The following BICDL2 variants were observed in gnomAD, a reference collection of about 807,000 sequenced individuals.
The protein encoded by BICDL2 is BICD family-like cargo adapter 2.
BICDL2 carries 62 observed loss-of-function variants against 56.6 expected under a neutral mutation model. The observed-to-expected ratio is 1.10, with a 90% confidence interval of 0.89 to 1.35. The LOEUF is 1.35. Among genes scored for constraint, BICDL2 ranks in the 40% most tolerant of loss-of-function variants. The pLI is 0.00. For synonymous variants in BICDL2, 358 were observed against 319.8 expected, an observed-to-expected ratio of 1.12 and a Z score of -1.27; for missense variants, 808 against 684.5, an observed-to-expected ratio of 1.18 and a Z score of -2.01.
intron 2 of BICDL2, among the ~76,000 whole-genome samples, chr16:3,034,709 TCC>T (rs1202627109): frequency 2.2e-4 from 32 of 147,726 alleles, no homozygotes; most frequent in African/African-American, 7.6e-4. Flanking sequence ...CTTCCTTCCT[TCC>T]TTTTTTTTTT....
Position 3,034,697 on chromosome 16 carries a change from T to TCCTTCCTTCC in BICDL2, c.282+508_282+517dup, listed in dbSNP as rs1567423988. 2.7e-3 allele frequency among the ~76,000 whole-genome samples: 383 copies of TCCTTCCTTCC among 140,942 alleles called. 3 individuals are homozygous for TCCTTCCTTCC. Among genetic ancestry groups the TCCTTCCTTCC allele is most frequent in the African/African-American group, 9.4e-3 (351 of 37,228 alleles). 92.5% of individuals were successfully genotyped at this position (140,942 alleles called of 152,430 possible). A position where few individuals can be genotyped will look rare whatever the true frequency, so the allele number is the denominator to read the frequency against. ...CCTTCCTTCCTTCCTTCCTTCCCCT[T>TCCTTCCTTCC]CCTTCCTTCCTTCCTTTTTTTTTTT... On this transcript the variant is annotated intron_variant, in intron 2 of 9. Transcript: ENST00000572449.
Position 3,028,734 on chromosome 16 carries a change from T to C in BICDL2, c.1204A>G (p.Ser402Gly). 1 of 1,566,688 alleles carries C rather than the reference T, an allele frequency of 6.4e-7. No individual in the cohort carries two copies. Among genetic ancestry groups the C allele is most frequent in the Non-Finnish European group, 8.7e-7 (1 of 1,155,890 alleles). The part of the protein sequence containing the change: ...AQEDPGEALH[S>G]ALSDRDEAVN... The stretch of plus-strand genomic sequence containing the variant: ...GCCTCGTCCCGGTCTGAGAGGGCAC[T>C]GTGCAGGGCCTCCCCAGGGTCTTCC... Residue 402 changes from serine (S) to glycine (G), a missense_variant, in exon 8 of 10, where the codon AGT (serine) becomes GGT (glycine). By Grantham distance (56) the Ser-to-Gly change is moderately conservative. Transcript: ENST00000572449.
intron 2 of BICDL2, among the ~76,000 whole-genome samples, chr16:3,034,711 CT>C (rs759451684): frequency 1.1e-3 from 139 of 126,962 alleles, no homozygotes; most frequent in Admixed American, 2.0e-3. Context: ...TCCTTCCTTC[CT>C]TTTTTTTTTT....
intron 2 of BICDL2, chr16:3,032,031 AAG>A (rs1955664280): frequency 1.3e-5 from 2 of 152,286 alleles, no homozygotes; most frequent in Admixed American, 1.3e-4. Flanking sequence ...TCCCAAGTTC[AAG>A]AGATTCTCCT....
intron 9 of BICDL2, 32 bp from the exon 10 acceptor site, chr16:3,028,305 T>C (rs1567419164): frequency 2.6e-6 from 4 of 1,532,946 alleles, no homozygotes; most frequent in Admixed American, 2.0e-5. Flanking sequence ...TCAGCGCCGG[T>C]CCCGCCCCTT....
chr16:3,034,039 G>A (rs1462621081), intron 2 of BICDL2, among the ~76,000 whole-genome samples: 1 of 152,168 alleles, frequency 6.6e-6, no homozygotes, highest in Non-Finnish European at 1.5e-5. Context: ...CCAGATGTGA[G>A]CCCCAGAGCA....
At chr16:3,030,034 G>A in intron 5 of BICDL2, 1 of 497,108 alleles carries the variant, frequency 2.0e-6, no homozygotes, top group South Asian at 3.1e-5. Flanking sequence ...TGCTACTGAG[G>A]CTGCTTGTCC....
At position 3,028,708 on chromosome 16, in the gene BICDL2, G is replaced by T; in HGVS notation, c.1230C>A (p.Ala410=). The change falls in exon 8 of 10, where the codon GCC becomes GCA. Residue 410 remains alanine, a synonymous_variant. Transcript: ENST00000572449. ...LHSALSDRDE[A]VNKALELSLQ... Reference sequence around the variant, plus strand: ...AATGGCTTGAGGCTTACTTGTTCACGGCCTCGTCCCGGTCTGAGAGGGCAC... The same window carrying T: ...AATGGCTTGAGGCTTACTTGTTCACTGCCTCGTCCCGGTCTGAGAGGGCAC... The T allele has an allele frequency of 6.4e-7, 1 of 1,569,410 alleles. No homozygotes were observed. Among genetic ancestry groups the T allele is most frequent in the Non-Finnish European group, 8.6e-7 (1 of 1,157,334 alleles).
chr16:3,036,186 C>A, intron 1 of BICDL2: 2 of 431,000 alleles, frequency 4.6e-6, no homozygotes, highest in South Asian at 1.6e-5. Flanking sequence ...GCATTCATGC[C>A]CCCACCCCTC....
intron 5 of BICDL2, chr16:3,030,029 C>A: frequency 2.0e-6 from 1 of 501,854 alleles, no homozygotes; most frequent in Non-Finnish European, 3.5e-6. Flanking sequence ...ATTGGTGCTA[C>A]TGAGGCTGCT....
Position 3,029,553 on chromosome 16 carries a change from C to T in BICDL2, c.949G>A (p.Asp317Asn). Residue 317 changes from aspartate (D) to asparagine (N), a missense_variant, in exon 6 of 10, where the codon GAC becomes AAC. Coordinates refer to ENST00000572449, the MANE Select transcript of BICDL2 (RefSeq NM_001369667.1). Reference protein sequence around the residue: ...DQGQGADAPGDTPTTRSPKTR... With the variant: ...DQGQGADAPGNTPTTRSPKTR... Reference sequence around the variant, plus strand: ...GGGCCCCACGAGCTCACCGGGGTGTCTCCGGGTGCGTCGGCGCCCTGGCCC... The same window carrying T: ...GGGCCCCACGAGCTCACCGGGGTGTTTCCGGGTGCGTCGGCGCCCTGGCCC... 1 of 1,550,878 alleles carries T rather than the reference C, an allele frequency of 6.4e-7. No individual in the cohort carries two copies. The highest frequency in any genetic ancestry group is 8.7e-7 in the Non-Finnish European group (1 of 1,152,984).
At chr16:3,036,612 C>T (rs934520118) in intron 1 of BICDL2, 3 of 450,702 alleles carry the variant, frequency 6.7e-6, no homozygotes, top group African/African-American at 4.0e-5. Context: ...CCCCGCTCCC[C>T]CGCCCCCCTC....
At position 3,029,297 on chromosome 16, in the gene BICDL2, C is replaced by T. The variant is rs1955613240; in HGVS notation, c.1090G>A (p.Ala364Thr). The change falls in exon 7 of 10, where the codon GCC (alanine) becomes ACC (threonine). Residue 364 changes from alanine (A) to threonine (T), a missense_variant. Physicochemically the swap from Ala to Thr is moderately conservative, Grantham distance 58. Coordinates refer to ENST00000572449, the MANE Select transcript of BICDL2 (RefSeq NM_001369667.1). ...EILEEKEVEV[A>T]KLQDEISLQQ... is the part of the protein sequence containing the mutation. ...TGCCCCACCTCATCTTGCAGCTTGG[C>T]CACTTCCACCTCCTTCTCCTCCAGT... The T allele has an allele frequency of 1.2e-6, 2 of 1,611,360 alleles. No individual in the cohort carries two copies. Among genetic ancestry groups the T allele is most frequent in the East Asian group, 2.2e-5 (1 of 44,792 alleles).
chr16:3,036,019 C>T (rs765988192), intron 1 of BICDL2: 21 of 322,956 alleles, frequency 6.5e-5, no homozygotes, highest in Non-Finnish European at 1.1e-4. Flanking sequence ...GCCAGAAGCC[C>T]AGATCCCAGC....
chr16:3,028,638 G>A (rs56337734), intron 8 of BICDL2, 62 bp downstream of exon 8: 4 of 1,537,092 alleles, frequency 2.6e-6, no homozygotes, highest in South Asian at 1.2e-5. Context: ...ATCAGAAGAG[G>A]AATCAGGAGC....
Position 3,028,409 on chromosome 16 carries a change from C to T in BICDL2, c.1298G>A (p.Arg433Gln), listed in dbSNP as rs1364747287. Residue 433 changes from arginine (R) to glutamine (Q), a missense_variant, in exon 9 of 10, where the codon CGG becomes CAG. Coordinates refer to ENST00000572449, the MANE Select transcript of BICDL2 (RefSeq NM_001369667.1). ...RVSLERDSLS[R>Q]ELLRAIRQKV... ...CTGGCGGATGGCGCGCAGCAGCTCCCGAGACAGGGAGTCTCGCTCCAGCGA... is the reference window on the plus strand; with the variant it reads ...CTGGCGGATGGCGCGCAGCAGCTCCTGAGACAGGGAGTCTCGCTCCAGCGA... The T allele has an allele frequency of 6.4e-7, 1 of 1,556,268 alleles. No individual in the cohort carries two copies. Among genetic ancestry groups the T allele is most frequent in the Non-Finnish European group, 8.6e-7 (1 of 1,159,538 alleles).
At position 3,028,837 on chromosome 16, in the gene BICDL2, G is replaced by A. The variant is rs370499011; in HGVS notation, c.1108-7C>T. 102 of 1,542,666 alleles carry A rather than the reference G, an allele frequency of 6.6e-5. No homozygotes were observed. The highest frequency in any genetic ancestry group is 8.1e-5 in the Non-Finnish European group (93 of 1,147,588). On this transcript the variant is annotated splice_polypyrimidine_tract_variant and splice_region_variant and intron_variant, in intron 7 of 9. Transcript: ENST00000572449. The stretch of plus-strand genomic sequence containing the variant: ...CTGCCTGCTGCAGCGAGATCTGTGA[G>A]CAGAGGAGGGGGGCCGTGCGGCAGA...
In BICDL2 at chr16:3,030,733, G is replaced by A; in HGVS notation, c.578C>T (p.Ala193Val). 1 of 1,612,534 alleles carries A rather than the reference G, an allele frequency of 6.2e-7. No homozygotes were observed. The highest frequency in any genetic ancestry group is 2.2e-5 in the East Asian group (1 of 44,874). Residue 193 changes from alanine to valine, a missense_variant, in exon 4 of 10, where the codon GCA becomes GTA. By Grantham distance (64) the Ala-to-Val change is moderately conservative. Transcript: ENST00000572449. ...ACTCTCCAGCCGCGTCCTCAGCTCTGCTCCAGCCAGTGCCTGAGCCTGGCA... is the reference window on the plus strand; with the variant it reads ...ACTCTCCAGCCGCGTCCTCAGCTCTACTCCAGCCAGTGCCTGAGCCTGGCA... Reference protein sequence around the residue: ...GQCQAQALAGAELRTRLESLQ... With the variant: ...GQCQAQALAGVELRTRLESLQ...
Position 3,029,354 on chromosome 16 carries a change from T to TG in BICDL2, c.1032dup (p.Lys345GlnfsTer25), listed in dbSNP as rs769749885. The TG allele has an allele frequency of 1.0e-5, 16 of 1,594,068 alleles. No individual in the cohort carries two copies. In the Middle Eastern group the frequency reaches 1.0e-3, roughly 99 times the overall value. On this transcript the variant is annotated frameshift_variant, in exon 7 of 10. Coordinates refer to ENST00000572449, the MANE Select transcript of BICDL2 (RefSeq NM_001369667.1). LOFTEE classifies it high-confidence loss of function. ...GCTGGACTGAGGGATGTTCGCTTCT[T>TG]GGGGGGCTCTAAGATCTCTTCCGGG...
Sources: allele counts gnomAD v4.1 joint callset (sites outside exome capture counted in the v4.1 genomes callset), GRCh38; gene constraint gnomAD v4.1.1; transcripts MANE v1.5; gene names NCBI Gene and HGNC (gene_info 2026-07-23, HGNC 2026-07-21).